Variants in OSBPL9 observed in about 807,000 individuals in gnomAD.
OSBPL9 encodes oxysterol-binding protein-related protein 9.
Under a neutral mutation model 106.6 loss-of-function variants are expected in OSBPL9, and 40 were observed. That is an observed-to-expected ratio of 0.38 (90% CI 0.29 to 0.49). The LOEUF is 0.49. OSBPL9 is among the 20% of genes least tolerant of loss of function. The pLI, the probability that OSBPL9 is intolerant of heterozygous loss-of-function variation, is 0.97. For missense variants in OSBPL9, 609 were observed against 887.2 expected (o/e 0.69, Z 3.98); for synonymous variants, 269 against 295.4 (o/e 0.91, Z 0.92).
At chr1:51,547,994 C>T in the OSBPL9 span, among the ~76,000 whole-genome samples, 2 of 151,700 alleles carry the variant, frequency 1.3e-5, no homozygotes, top group Admixed American at 6.6e-5. Flanking sequence ...GTATATTATA[C>T]AATAATAATA....
At chr1:51,612,396 G>A (rs1643994803), upstream of OSBPL9, among the ~76,000 whole-genome samples, 1 of 152,094 alleles carries the variant, frequency 6.6e-6, no homozygotes, top group African/African-American at 2.4e-5. Context: ...GATGTTTTAC[G>A]GTTAACATTG....
the OSBPL9 span, among the ~76,000 whole-genome samples, chr1:51,539,064 A>T: frequency 6.6e-6 from 1 of 152,134 alleles, no homozygotes; most frequent in Non-Finnish European, 1.5e-5. Flanking sequence ...TCAAATGCTG[A>T]TCATGCTAAT....
the OSBPL9 span, chr1:51,519,257 GA>G: frequency 8.8e-7 from 1 of 1,137,942 alleles, no homozygotes; most frequent in Non-Finnish European, 1.1e-6. Context: ...CAAGGGAGGG[GA>G]AGGAAGACGG....
At chr1:51,702,002 A>G in intron 3 of OSBPL9, among the ~76,000 whole-genome samples, 1 of 152,206 alleles carries the variant, frequency 6.6e-6, no homozygotes, top group African/African-American at 2.4e-5. Flanking sequence ...GCTGCATAGT[A>G]TTCCATGGTG....
chr1:51,536,584 G>T, the OSBPL9 span, among the ~76,000 whole-genome samples: 62 of 152,144 alleles, frequency 4.1e-4, no homozygotes, highest in African/African-American at 1.5e-3. Flanking sequence ...TTCCCAAAGT[G>T]CTGGAATTTC....
At chr1:51,748,069 T>A (rs1668409643) in intron 6 of OSBPL9, among the ~76,000 whole-genome samples, 1 of 152,130 alleles carries the variant, frequency 6.6e-6, no homozygotes, top group Non-Finnish European at 1.5e-5. Flanking sequence ...GATTACCGGC[T>A]CAAGCCACCG....
At chr1:51,562,299 G>C in the OSBPL9 span, among the ~76,000 whole-genome samples, 1 of 152,018 alleles carries the variant, frequency 6.6e-6, no homozygotes, top group Non-Finnish European at 1.5e-5. Context: ...AAATTGTGTA[G>C]CACCTCCCCC....
intron 9 of OSBPL9, chr1:51,756,969 C>T (rs1318365939): frequency 2.0e-5 from 3 of 152,086 alleles, no homozygotes; most frequent in Non-Finnish European, 2.9e-5. Context: ...GTTAGTATTT[C>T]CCAGATGGAA....
intron 3 of OSBPL9, among the ~76,000 whole-genome samples, chr1:51,700,868 G>C (rs1489386900): frequency 6.6e-6 from 1 of 152,018 alleles, no homozygotes; most frequent in Non-Finnish European, 1.5e-5. Context: ...GATCTTGCCT[G>C]ATGTAATTAT....
In OSBPL9 at chr1:51,788,649, T is replaced by TTAAC. The variant is rs978175102; in HGVS notation, c.*862_*865dup. 5.4e-4 allele frequency among the ~76,000 whole-genome samples: 82 copies of TTAAC among 152,266 alleles called. No individual in the cohort carries two copies. Among genetic ancestry groups the TTAAC allele is most frequent in the African/African-American group, 1.7e-3 (70 of 41,562 alleles). On this transcript the variant is annotated 3_prime_UTR_variant, in exon 24 of 24. Transcript: ENST00000428468. ...CCAGGCAATTCCCCAGAATCTTCAC[T>TTAAC]TAACTCATATTGCACATGTAGGGCT...
chr1:51,697,303 A>G (rs1188581412), intron 3 of OSBPL9, among the ~76,000 whole-genome samples: 5 of 152,126 alleles, frequency 3.3e-5, no homozygotes, highest in African/African-American at 1.2e-4. Context: ...CCTTGCTCAT[A>G]TACCAAACAT....
At chr1:51,745,448 G>T in intron 4 of OSBPL9, 88 bp from the exon 5 acceptor site, 4 of 1,519,916 alleles carry the variant, frequency 2.6e-6, no homozygotes, top group Non-Finnish European at 3.5e-6. Context: ...AAATTGAAAT[G>T]TCTTCATGTA....
At chr1:51,738,216 T>C (rs893094510) in intron 4 of OSBPL9, among the ~76,000 whole-genome samples, 2 of 152,008 alleles carry the variant, frequency 1.3e-5, no homozygotes, top group African/African-American at 2.4e-5. Context: ...TGTTTTGTTC[T>C]ATAAGTCAAA....
At chr1:51,770,711 G>A (rs1298427290) in intron 12 of OSBPL9, among the ~76,000 whole-genome samples, 1 of 152,146 alleles carries the variant, frequency 6.6e-6, no homozygotes, top group Non-Finnish European at 1.5e-5. Flanking sequence ...AATAATCAAA[G>A]AAGTAATACT....
At chr1:51,720,167 A>G in intron 4 of OSBPL9, among the ~76,000 whole-genome samples, 1 of 152,232 alleles carries the variant, frequency 6.6e-6, no homozygotes, top group East Asian at 1.9e-4. Flanking sequence ...TAAGGTTGTT[A>G]CTAAGCTGAG....
chr1:51,756,698 G>C (rs1216220598), intron 9 of OSBPL9: 1 of 223,390 alleles, frequency 4.5e-6, no homozygotes, highest in Non-Finnish European at 9.0e-6. Flanking sequence ...TCAGATGAAA[G>C]TGGGGGTGGG....
the OSBPL9 span, among the ~76,000 whole-genome samples, chr1:51,518,858 G>A: frequency 6.6e-6 from 1 of 151,800 alleles, no homozygotes; most frequent in South Asian, 2.1e-4. Flanking sequence ...AAACTTCCTG[G>A]GTAGGTGAAA....
At chr1:51,671,197 T>C (rs754006358) in intron 3 of OSBPL9, among the ~76,000 whole-genome samples, 7 of 152,168 alleles carry the variant, frequency 4.6e-5, no homozygotes, top group Non-Finnish European at 1.0e-4. Context: ...ATCTGGATTT[T>C]GCAAAGAACT....
chr1:51,719,971 G>A (rs1219102370), intron 4 of OSBPL9, among the ~76,000 whole-genome samples: 2 of 152,242 alleles, frequency 1.3e-5, no homozygotes, highest in South Asian at 2.1e-4. Flanking sequence ...CATGTGGAAC[G>A]TGATGATGTG....
Sources: gnomAD v4.1 joint callset for allele counts (sites outside exome capture counted in the v4.1 genomes callset) on GRCh38, gnomAD v4.1.1 for gene constraint, MANE v1.5 for transcripts, NCBI Gene and HGNC (gene_info 2026-07-23, HGNC 2026-07-21) for gene names.